Variants in LRRC4C observed in about 807,000 individuals in gnomAD.
The protein encoded by LRRC4C is leucine rich repeat containing 4C, also known as leucine-rich repeat-containing protein 4C.
LRRC4C carries 5 observed loss-of-function variants against 33.6 expected under a neutral mutation model. That is an observed-to-expected ratio of 0.15 (90% confidence interval 0.08 to 0.31). LRRC4C has a LOEUF of 0.31. Among genes scored for constraint, LRRC4C ranks in the 10% least tolerant of loss-of-function variants. The probability of loss-of-function intolerance (pLI) is 1.00; values close to 1 mark genes in which losing one functional copy is unlikely to be tolerated. For missense variants in LRRC4C, 560 were observed against 796.7 expected, an observed-to-expected ratio of 0.70 and a Z score of 3.58; for synonymous variants, 329 against 302.0, an observed-to-expected ratio of 1.09 and a Z score of -0.93.
At chr11:41,436,110 A>C (rs969730924) in intron 1 of LRRC4C, among the ~76,000 whole-genome samples, 5 of 152,202 alleles carry the variant, frequency 3.3e-5, no homozygotes, top group African/African-American at 1.2e-4. Flanking sequence ...AGGCTGAGGC[A>C]GGAGAATGGC....
chr11:41,047,865 T>C lies in LRRC4C; in HGVS notation c.-495-114142A>G, dbSNP rs984563151. Among the ~76,000 whole-genome samples, 10 of 152,274 alleles carry C rather than the reference T, an allele frequency of 6.6e-5. No homozygotes were observed. In the East Asian group the frequency reaches 1.9e-3, roughly 29 times the overall value. On this transcript the variant is annotated intron_variant, in intron 1 of 6. Coordinates refer to ENST00000528697, the MANE Select transcript of LRRC4C (RefSeq NM_001258419.2). The stretch of plus-strand genomic sequence containing the variant: ...ATGGTGTCCCTCACCTTGATGTGTA[T>C]ATACACACACACACATCCTATCCTT...
intron 3 of LRRC4C, among the ~76,000 whole-genome samples, chr11:40,558,466 A>G (rs1957415604): frequency 6.6e-6 from 1 of 152,168 alleles, no homozygotes; most frequent in Non-Finnish European, 1.5e-5. Flanking sequence ...TCAAGAATCT[A>G]TTTTTCTTAA....
At chr11:40,273,094 TAA>T (rs928688101) in intron 4 of LRRC4C, among the ~76,000 whole-genome samples, 1 of 152,174 alleles carries the variant, frequency 6.6e-6, no homozygotes, top group African/African-American at 2.4e-5. Flanking sequence ...AGTCTTGCTT[TAA>T]ATACACTTTA....
intron 3 of LRRC4C, among the ~76,000 whole-genome samples, chr11:40,491,435 A>G (rs1329117740): frequency 6.6e-6 from 1 of 152,206 alleles, no homozygotes; most frequent in Non-Finnish European, 1.5e-5. Context: ...TAGTCTGCTC[A>G]GGCACTTACA....
intron 1 of LRRC4C, among the ~76,000 whole-genome samples, chr11:41,311,858 C>T (rs1950651654): frequency 6.6e-6 from 1 of 152,170 alleles, no homozygotes; most frequent in Non-Finnish European, 1.5e-5. Flanking sequence ...GCCACCCCTC[C>T]ATTTCCCTGT....
intron 3 of LRRC4C, among the ~76,000 whole-genome samples, chr11:40,511,270 G>A (rs1033513717): frequency 5.9e-5 from 9 of 152,068 alleles, no homozygotes; most frequent in South Asian, 2.1e-4. Flanking sequence ...GAAAAGAGGC[G>A]TATGACACCT....
In LRRC4C at chr11:41,387,173, C is replaced by T. The variant is rs184783102; in HGVS notation, c.-496+72258G>A. On this transcript the variant is annotated intron_variant, in intron 1 of 6. Transcript: ENST00000528697. ...TTTTTTTCTCCTGTAGATAACTAGA[C>T]ATTACTTTTTAGGCAATGAGGAGAT... is the stretch of plus-strand genomic sequence containing the variant. Among the ~76,000 whole-genome samples the T allele has an allele frequency of 2.7e-5, 4 of 150,528 alleles. No homozygotes were observed. In the Admixed American group the frequency reaches 2.7e-4, roughly 10 times the overall value.
chr11:41,394,176 T>C (rs1046812085), intron 1 of LRRC4C, among the ~76,000 whole-genome samples: 1 of 151,948 alleles, frequency 6.6e-6, no homozygotes, highest in African/African-American at 2.4e-5. Context: ...ATGGAGTTCA[T>C]AATAGTGGCT....
intron 2 of LRRC4C, among the ~76,000 whole-genome samples, chr11:40,658,712 G>A (rs1034899875): frequency 2.0e-5 from 3 of 152,118 alleles, no homozygotes; most frequent in African/African-American, 7.2e-5. Flanking sequence ...ATGTTCTGCT[G>A]GAATTCAAAA....
intron 1 of LRRC4C, among the ~76,000 whole-genome samples, chr11:41,045,844 C>A (rs1033399718): frequency 1.1e-4 from 16 of 152,030 alleles, no homozygotes; most frequent in African/African-American, 3.4e-4. Context: ...AATAAGGTAA[C>A]CTTGTAGATG....
chr11:40,659,265 G>A (rs937927106), intron 2 of LRRC4C, among the ~76,000 whole-genome samples: 13 of 152,214 alleles, frequency 8.5e-5, no homozygotes, highest in Admixed American at 7.8e-4. Context: ...GTCCTCTCTG[G>A]ACTTTGGGCC....
At chr11:40,420,523 T>C (rs376077904) in intron 3 of LRRC4C, among the ~76,000 whole-genome samples, 1 of 152,330 alleles carries the variant, frequency 6.6e-6, no homozygotes, top group East Asian at 1.9e-4. Flanking sequence ...TAAAGTCCTT[T>C]ATTTAAAAAA....
chr11:41,195,719 C>T (rs771826936), intron 1 of LRRC4C, among the ~76,000 whole-genome samples: 2 of 151,974 alleles, frequency 1.3e-5, no homozygotes, highest in South Asian at 4.2e-4. Context: ...AGGCCTTATA[C>T]GAACAATGAA....
At chr11:41,106,404 T>C (rs1310178163) in intron 1 of LRRC4C, among the ~76,000 whole-genome samples, 1 of 151,814 alleles carries the variant, frequency 6.6e-6, no homozygotes, top group Non-Finnish European at 1.5e-5. Context: ...GCATTTTACA[T>C]GCATTGTCTA....
intron 5 of LRRC4C, among the ~76,000 whole-genome samples, chr11:40,146,620 G>C (rs1224504248): frequency 1.3e-5 from 2 of 152,174 alleles, no homozygotes; most frequent in Non-Finnish European, 1.5e-5. Context: ...CACAAAGATG[G>C]TGTTCCTGAC....
intron 5 of LRRC4C, among the ~76,000 whole-genome samples, chr11:40,166,965 G>T (rs902166700): frequency 6.6e-6 from 1 of 152,118 alleles, no homozygotes; most frequent in African/African-American, 2.4e-5. Context: ...CATAAAGCCT[G>T]TGTCTAAATT....
At chr11:40,620,267 C>G (rs987046813) in intron 3 of LRRC4C, among the ~76,000 whole-genome samples, 8 of 151,522 alleles carry the variant, frequency 5.3e-5, no homozygotes, top group African/African-American at 1.7e-4. Context: ...AATTGACTAG[C>G]TATAAGGGAC....
intron 1 of LRRC4C, among the ~76,000 whole-genome samples, chr11:41,241,760 T>C (rs1948259243): frequency 6.6e-6 from 1 of 152,168 alleles, no homozygotes; most frequent in Non-Finnish European, 1.5e-5. Context: ...CGTCCTTTTA[T>C]CTGGTCTGTG....
intron 2 of LRRC4C, among the ~76,000 whole-genome samples, chr11:40,654,949 A>C (rs1157739272): frequency 6.6e-6 from 1 of 151,988 alleles, no homozygotes; most frequent in African/African-American, 2.4e-5. Context: ...TGGCATTTCC[A>C]CTGTTGTCAC....
Sources: allele counts gnomAD v4.1 joint callset (sites outside exome capture counted in the v4.1 genomes callset), GRCh38; gene constraint gnomAD v4.1.1; transcripts MANE v1.5; gene names NCBI Gene and HGNC (gene_info 2026-07-23, HGNC 2026-07-21).